The following MAGI1 variants were observed in gnomAD, a reference collection of about 807,000 sequenced individuals.
MAGI1 encodes membrane-associated guanylate kinase, WW and PDZ domain-containing protein 1.
Under a neutral mutation model 139.9 loss-of-function variants are expected in MAGI1, and 58 were observed. The observed-to-expected ratio is 0.41, with a 90% CI of 0.34 to 0.52. The LOEUF (loss-of-function observed/expected upper bound fraction) is 0.52. Ranked by LOEUF, MAGI1 falls within the 20% of genes least tolerant of loss-of-function variation. The pLI is 0.12. For synonymous variants in MAGI1, 812 were observed against 737.9 expected (o/e 1.10, Z -1.63); for missense variants, 1,874 against 1,901.6 (o/e 0.99, Z 0.27).
At position 65,739,061 on chromosome 3, in the gene MAGI1, T is replaced by A. The variant is rs1193112956; in HGVS notation, c.314-116973A>T. Among the ~76,000 whole-genome samples, 3 of 152,230 alleles carry A rather than the reference T, an allele frequency of 2.0e-5. No individual in the cohort carries two copies. In the East Asian group the frequency reaches 5.8e-4, roughly 29 times the overall value. The stretch of plus-strand genomic sequence containing the variant: ...CTAGCTAGGAAAGTCCTGGACAACA[T>A]ATTCTTCCAATAGAAGGCTGTTTCA... On this transcript the variant is annotated intron_variant, in intron 1 of 22. Transcript: ENST00000402939.
chr3:65,755,268 A>T (rs1171563261), intron 1 of MAGI1, among the ~76,000 whole-genome samples: 1 of 152,168 alleles, frequency 6.6e-6, no homozygotes, highest in South Asian at 2.1e-4. Context: ...CATTTGCATT[A>T]TATCAGCTAA....
chr3:65,452,968 C>G (rs768201166), intron 6 of MAGI1: 8 of 295,276 alleles, frequency 2.7e-5, no homozygotes, highest in Non-Finnish European at 5.1e-5. Context: ...CTAGAATTTA[C>G]TCTAAGTTCC....
chr3:65,618,580 T>C (rs986677338), intron 2 of MAGI1, among the ~76,000 whole-genome samples: 3 of 152,128 alleles, frequency 2.0e-5, no homozygotes, highest in African/African-American at 4.8e-5. Context: ...TTTTTTTTCT[T>C]TTACTCTCAA....
chr3:65,829,320 C>A (rs1465642977), intron 1 of MAGI1, among the ~76,000 whole-genome samples: 3 of 152,134 alleles, frequency 2.0e-5, no homozygotes, highest in Non-Finnish European at 4.4e-5. Flanking sequence ...ATGTCAGTGT[C>A]CTCCCAAAAT....
At chr3:65,671,381 A>T (rs189035428) in intron 1 of MAGI1, among the ~76,000 whole-genome samples, 21 of 152,338 alleles carry the variant, frequency 1.4e-4, no homozygotes, top group Admixed American at 1.2e-3. Context: ...TACCAGGAGC[A>T]ATCGACATTT....
intron 1 of MAGI1, among the ~76,000 whole-genome samples, chr3:65,812,650 T>C (rs534950252): frequency 1.2e-4 from 18 of 150,458 alleles, no homozygotes; most frequent in Non-Finnish European, 2.4e-4. Flanking sequence ...AAAGAAATGC[T>C]AGACCACATT....
chr3:65,725,010 G>A (rs1308459087), intron 1 of MAGI1, among the ~76,000 whole-genome samples: 2 of 152,072 alleles, frequency 1.3e-5, no homozygotes, highest in Non-Finnish European at 2.9e-5. Context: ...GAAAAACACA[G>A]CATAAATTAA....
At chr3:65,727,207 A>G (rs2033716280) in intron 1 of MAGI1, among the ~76,000 whole-genome samples, 2 of 152,184 alleles carry the variant, frequency 1.3e-5, no homozygotes, top group Non-Finnish European at 2.9e-5. Flanking sequence ...AGAATATGAT[A>G]CTGTTGTAAT....
intron 1 of MAGI1, among the ~76,000 whole-genome samples, chr3:65,941,395 C>G (rs925467588): frequency 1.3e-5 from 2 of 151,922 alleles, no homozygotes; most frequent in African/African-American, 4.8e-5. Flanking sequence ...CAAGACAGTT[C>G]ACTAATACAA....
intron 10 of MAGI1, among the ~76,000 whole-genome samples, chr3:65,436,714 T>A (rs1947881562): frequency 6.6e-6 from 1 of 152,216 alleles, no homozygotes; most frequent in South Asian, 2.1e-4. Flanking sequence ...GATTCCTATC[T>A]CTGGGATGGG....
intron 13 of MAGI1, among the ~76,000 whole-genome samples, chr3:65,395,780 T>C (rs529187694): frequency 6.6e-6 from 1 of 151,580 alleles, no homozygotes; most frequent in South Asian, 2.1e-4. Context: ...CGTAAGGAGT[T>C]TGGGTTTCAT....
intron 12 of MAGI1, among the ~76,000 whole-genome samples, chr3:65,407,644 C>T (rs1233428559): frequency 6.6e-6 from 1 of 152,042 alleles, no homozygotes; most frequent in Non-Finnish European, 1.5e-5. Flanking sequence ...TATATAAACT[C>T]ATTGTTAAAA....
intron 1 of MAGI1, among the ~76,000 whole-genome samples, chr3:65,788,610 G>A (rs1175151069): frequency 2.0e-5 from 3 of 152,200 alleles, no homozygotes; most frequent in Non-Finnish European, 4.4e-5. Context: ...ACCCTCTGTG[G>A]CAATAAAATC....
intron 3 of MAGI1, among the ~76,000 whole-genome samples, chr3:65,492,992 G>A (rs1370523064): frequency 6.6e-6 from 1 of 151,348 alleles, no homozygotes; most frequent in East Asian, 2.0e-4. Flanking sequence ...GCAGGAGAAT[G>A]GCATGAACCC....
intron 1 of MAGI1, among the ~76,000 whole-genome samples, chr3:65,832,563 A>C (rs2042586114): frequency 1.3e-5 from 2 of 151,996 alleles, no homozygotes; most frequent in African/African-American, 4.8e-5. Context: ...ATGAAGCTAG[A>C]TGCTCCCTTC....
chr3:65,411,721 C>G (rs73127530), intron 12 of MAGI1, among the ~76,000 whole-genome samples: 5,611 of 152,138 alleles, frequency 0.037, 138 homozygotes, highest in South Asian at 0.05. Context: ...TGTTTCTTAT[C>G]CCAACTGCTT....
chr3:65,540,265 T>C (rs1377911890), intron 2 of MAGI1, among the ~76,000 whole-genome samples: 1 of 152,186 alleles, frequency 6.6e-6, no homozygotes, highest in Non-Finnish European at 1.5e-5. Context: ...CCTGGACTAC[T>C]CTATCTAAAA....
chr3:65,442,007 G>A (rs1331730161), intron 8 of MAGI1, among the ~76,000 whole-genome samples: 1 of 151,846 alleles, frequency 6.6e-6, no homozygotes, highest in Non-Finnish European at 1.5e-5. Context: ...ACATTTATAT[G>A]GCATTTGCTT....
intron 1 of MAGI1, among the ~76,000 whole-genome samples, chr3:65,790,240 C>T (rs2039668732): frequency 6.6e-6 from 1 of 152,114 alleles, no homozygotes; most frequent in Non-Finnish European, 1.5e-5. Flanking sequence ...AGACCACTGG[C>T]CCATAGTGAG....
Sources: gnomAD v4.1 joint callset for allele counts (sites outside exome capture counted in the v4.1 genomes callset) on GRCh38, gnomAD v4.1.1 for gene constraint, MANE v1.5 for transcripts, NCBI Gene and HGNC (gene_info 2026-07-23, HGNC 2026-07-21) for gene names.